Variants in SLC9A9 observed in about 807,000 individuals in gnomAD.
SLC9A9 encodes sodium/hydrogen exchanger 9.
Under a neutral mutation model 77.8 loss-of-function variants are expected in SLC9A9, and 62 were observed. That is an observed-to-expected ratio of 0.80 (90% confidence interval 0.65 to 0.98). The LOEUF (loss-of-function observed/expected upper bound fraction) is 0.98. Among genes scored for constraint, SLC9A9 ranks in the 50% least tolerant of loss-of-function variants. The pLI is 0.00. For missense variants in SLC9A9, 775 were observed against 774.9 expected, an observed-to-expected ratio of 1.00 and a Z score of 0.00; for synonymous variants, 320 against 283.5, an observed-to-expected ratio of 1.13 and a Z score of -1.29.
chr3:143,492,318 T>TACCA (rs1272053144), intron 11 of SLC9A9, among the ~76,000 whole-genome samples: 18 of 149,142 alleles, frequency 1.2e-4, no homozygotes, highest in African/African-American at 4.4e-4. Context: ...AAAAATCACC[T>TACCA]ACCACTCCAA....
chr3:143,429,043 T>C (rs2034458406), intron 12 of SLC9A9, among the ~76,000 whole-genome samples: 1 of 152,308 alleles, frequency 6.6e-6, no homozygotes, highest in East Asian at 1.9e-4. Context: ...TCATGATAAC[T>C]AGAAGATTTT....
intron 6 of SLC9A9, among the ~76,000 whole-genome samples, chr3:143,635,543 C>T (rs766864330): frequency 9.2e-5 from 14 of 152,182 alleles, no homozygotes; most frequent in Non-Finnish European, 1.8e-4. Context: ...GAAAAACCCC[C>T]GAAGTTGCGG....
chr3:143,372,751 C>T (rs1012864687), intron 13 of SLC9A9, among the ~76,000 whole-genome samples: 15 of 151,958 alleles, frequency 9.9e-5, no homozygotes, highest in African/African-American at 3.1e-4. Flanking sequence ...GGAACTCAAA[C>T]GGATCAAGAA....
chr3:143,667,351 A>C (rs1233867081), intron 5 of SLC9A9, among the ~76,000 whole-genome samples: 1 of 152,240 alleles, frequency 6.6e-6, no homozygotes, highest in Non-Finnish European at 1.5e-5. Context: ...TAAAGACTTA[A>C]ATGTTAGACT....
chr3:143,374,532 A>G (rs1268174669), intron 13 of SLC9A9, among the ~76,000 whole-genome samples: 1 of 151,850 alleles, frequency 6.6e-6, no homozygotes, highest in Non-Finnish European at 1.5e-5. Flanking sequence ...CCAGAATTCT[A>G]TATCCAGTGA....
intron 4 of SLC9A9, among the ~76,000 whole-genome samples, chr3:143,755,429 A>G (rs1397706631): frequency 6.6e-6 from 1 of 152,222 alleles, no homozygotes; most frequent in East Asian, 1.9e-4. Context: ...TTCACACATC[A>G]CATCCAAGGA....
At chr3:143,776,366 C>T (rs1020737296) in intron 4 of SLC9A9, among the ~76,000 whole-genome samples, 2 of 152,090 alleles carry the variant, frequency 1.3e-5, no homozygotes, top group African/African-American at 4.8e-5. Context: ...GGCATTTACC[C>T]CCAGTACTGT....
intron 9 of SLC9A9, chr3:143,517,826 T>A: frequency 6.2e-7 from 1 of 1,601,096 alleles, no homozygotes; most frequent in Non-Finnish European, 8.5e-7. Flanking sequence ...TGTGAATAAG[T>A]CAATGGCTTT....
chr3:143,473,474 A>G (rs538090696), intron 11 of SLC9A9, among the ~76,000 whole-genome samples: 20 of 152,234 alleles, frequency 1.3e-4, no homozygotes, highest in African/African-American at 4.8e-4. Flanking sequence ...CCTCTGTGCC[A>G]TGGCCTCACC....
intron 9 of SLC9A9, among the ~76,000 whole-genome samples, chr3:143,509,987 A>T (rs1316026007): frequency 6.6e-6 from 1 of 152,182 alleles, no homozygotes; most frequent in Non-Finnish European, 1.5e-5. Flanking sequence ...TTTATGCTTA[A>T]CAAGAGCCAT....
At chr3:143,340,343 C>T (rs578010075) in intron 14 of SLC9A9, among the ~76,000 whole-genome samples, 16 of 152,176 alleles carry the variant, frequency 1.1e-4, no homozygotes, top group African/African-American at 3.4e-4. Context: ...GGAATACATT[C>T]GGGATTTTAC....
intron 12 of SLC9A9, among the ~76,000 whole-genome samples, chr3:143,400,545 C>CA (rs1358596057): frequency 6.6e-6 from 1 of 151,890 alleles, no homozygotes; most frequent in East Asian, 1.9e-4. Flanking sequence ...CAAAGGCTGG[C>CA]AGGTGGGTGA....
At chr3:143,495,312 A>G (rs773420280) in intron 10 of SLC9A9, 23 bp downstream of exon 10, 1 of 1,532,680 alleles carries the variant, frequency 6.5e-7, no homozygotes, top group African/African-American at 1.4e-5. Context: ...TAATCACCCC[A>G]TGTTCTGTAT....
intron 12 of SLC9A9, among the ~76,000 whole-genome samples, chr3:143,446,152 A>AG (rs1313997476): frequency 6.6e-6 from 1 of 152,112 alleles, no homozygotes; most frequent in East Asian, 1.9e-4. Flanking sequence ...TAATGATATG[A>AG]GGGAAAAAAA....
At chr3:143,678,559 T>C (rs1932964920) in intron 5 of SLC9A9, among the ~76,000 whole-genome samples, 2 of 152,348 alleles carry the variant, frequency 1.3e-5, no homozygotes, top group East Asian at 1.9e-4. Flanking sequence ...CATTTCCCCA[T>C]TGAATTGAAA....
At chr3:143,753,402 C>A (rs752006748) in intron 4 of SLC9A9, among the ~76,000 whole-genome samples, 1 of 152,132 alleles carries the variant, frequency 6.6e-6, no homozygotes, top group African/African-American at 2.4e-5. Flanking sequence ...CCTATTTTTG[C>A]AAGGCATACA....
chr3:143,494,389 G>T (rs2035799335), intron 10 of SLC9A9, among the ~76,000 whole-genome samples: 1 of 152,146 alleles, frequency 6.6e-6, no homozygotes, highest in Non-Finnish European at 1.5e-5. Flanking sequence ...CTTCCCCGAT[G>T]GGCTATTCTA....
intron 4 of SLC9A9, among the ~76,000 whole-genome samples, chr3:143,748,393 T>G (rs1015361675): frequency 6.6e-6 from 1 of 152,152 alleles, no homozygotes; most frequent in Non-Finnish European, 1.5e-5. Flanking sequence ...CTCATTAAGA[T>G]GCTTCAAGCC....
intron 5 of SLC9A9, among the ~76,000 whole-genome samples, chr3:143,671,654 G>A (rs1188418005): frequency 6.6e-6 from 1 of 152,222 alleles, no homozygotes; most frequent in African/African-American, 2.4e-5. Flanking sequence ...ATAGGTTTAT[G>A]TAGAGGGTTT....
Sources: gnomAD v4.1 joint callset for allele counts (sites outside exome capture counted in the v4.1 genomes callset) on GRCh38, gnomAD v4.1.1 for gene constraint, MANE v1.5 for transcripts, NCBI Gene and HGNC (gene_info 2026-07-23, HGNC 2026-07-21) for gene names.